The following CYP20A1 variants were observed in gnomAD, a reference collection of about 807,000 sequenced individuals.
CYP20A1 encodes cytochrome P450 family 20 subfamily A member 1, also known as cytochrome P450 20A1.
Under a neutral mutation model 61.4 loss-of-function variants are expected in CYP20A1, and 61 were observed. The observed-to-expected ratio is 0.99, with a 90% CI of 0.81 to 1.23. The LOEUF (loss-of-function observed/expected upper bound fraction) is 1.23. Ranked by LOEUF, CYP20A1 falls within the 50% of genes most tolerant of loss-of-function variation. The pLI, the probability that CYP20A1 is intolerant of heterozygous loss-of-function variation, is 0.00. For missense variants in CYP20A1, 530 were observed against 542.4 expected, an observed-to-expected ratio of 0.98 and a Z score of 0.23; for synonymous variants, 193 against 188.2, an observed-to-expected ratio of 1.03 and a Z score of -0.21.
chr2:203,273,182 T>A (rs984943517), intron 6 of CYP20A1, among the ~76,000 whole-genome samples: 3 of 152,158 alleles, frequency 2.0e-5, no homozygotes, highest in Non-Finnish European at 4.4e-5. Context: ...TTTCTATATT[T>A]TCTACAATGA....
At chr2:203,256,516 C>T (rs562114511) in intron 4 of CYP20A1, among the ~76,000 whole-genome samples, 39 of 152,134 alleles carry the variant, frequency 2.6e-4, no homozygotes, top group South Asian at 4.2e-4. Flanking sequence ...CATGCCACAA[C>T]GCCCGGTAAT....
rs552769911 is a variant in CYP20A1 at position 203,272,816 on chromosome 2, C to T, written c.679+68C>T. 27 of 903,684 alleles carry T rather than the reference C, an allele frequency of 3.0e-5. No homozygotes were observed. The South Asian group carries it at 4.2e-4, about 14-fold the overall frequency. 56.0% of individuals were successfully genotyped at this position (903,684 alleles called of 1,614,324 possible). A position where few individuals can be genotyped will look rare whatever the true frequency, so the allele number is the denominator to read the frequency against. ...TGTGCCCCAGTTTTAATAAAGTAAT[C>T]TCTGAATAGTGAGATTAAAGGTCAT... is the stretch of plus-strand genomic sequence containing the variant. On this transcript the variant is annotated intron_variant, in intron 6 of 12. Coordinates refer to ENST00000356079, the MANE Select transcript of CYP20A1 (RefSeq NM_177538.3).
At chr2:203,280,532 G>A (rs1249229395) in intron 8 of CYP20A1, among the ~76,000 whole-genome samples, 1 of 152,102 alleles carries the variant, frequency 6.6e-6, no homozygotes, top group African/African-American at 2.4e-5. Flanking sequence ...GTGAGACCTC[G>A]TCTCTGCTAA....
intron 4 of CYP20A1, among the ~76,000 whole-genome samples, chr2:203,262,252 C>T (rs185208580): frequency 1.2e-4 from 18 of 152,210 alleles, no homozygotes; most frequent in African/African-American, 4.3e-4. Flanking sequence ...AGATGGTGGT[C>T]TCACTATGTT....
intron 1 of CYP20A1, among the ~76,000 whole-genome samples, chr2:203,240,316 C>G (rs918266967): frequency 6.6e-6 from 1 of 152,168 alleles, no homozygotes; most frequent in East Asian, 1.9e-4. Flanking sequence ...TTTAGTGGTT[C>G]TTGAATTTTT....
intron 1 of CYP20A1, among the ~76,000 whole-genome samples, chr2:203,241,993 C>G (rs2066270307): frequency 6.6e-6 from 1 of 152,168 alleles, no homozygotes; most frequent in South Asian, 2.1e-4. Flanking sequence ...AGGCACACAT[C>G]ACCACACACA....
At chr2:203,283,207 G>A (rs1198959863) in intron 8 of CYP20A1, among the ~76,000 whole-genome samples, 2 of 120,860 alleles carry the variant, frequency 1.7e-5, no homozygotes. Context: ...AAGTCAATGT[G>A]AGAATTTTTT....
At chr2:203,289,374 G>A (rs575375218) in intron 9 of CYP20A1, among the ~76,000 whole-genome samples, 12 of 152,038 alleles carry the variant, frequency 7.9e-5, no homozygotes, top group Non-Finnish European at 1.5e-4. Flanking sequence ...TAAACAAAAT[G>A]TTTCTCTAGT....
chr2:203,241,383 G>A (rs984821808), intron 1 of CYP20A1, among the ~76,000 whole-genome samples: 1 of 152,174 alleles, frequency 6.6e-6, no homozygotes, highest in African/African-American at 2.4e-5. Context: ...ACATTTGGGA[G>A]CTATCAATGT....
chr2:203,245,890 A>C lies in CYP20A1; in HGVS notation c.117A>C (p.Glu39Asp). Reference sequence around the variant, plus strand: ...GAATTCCAGGGATTACTCCAACTGAAGAAAAGTGAGTAATTATTTTCTTGG... The same window carrying C: ...GAATTCCAGGGATTACTCCAACTGACGAAAAGTGAGTAATTATTTTCTTGG... ...AAGIPGITPTEEKDGNLPDIV... is the reference protein window; with the variant it reads ...AAGIPGITPTDEKDGNLPDIV... Residue 39 changes from glutamate to aspartate, a missense_variant, in exon 2 of 13, where the codon GAA (glutamate) becomes GAC (aspartate). Transcript: ENST00000356079. 6.3e-7 allele frequency: 1 copy of C among 1,590,556 alleles called. No homozygotes were observed.
chr2:203,259,173 G>T (rs951771918), intron 4 of CYP20A1, among the ~76,000 whole-genome samples: 3 of 152,066 alleles, frequency 2.0e-5, no homozygotes, highest in Non-Finnish European at 2.9e-5. Flanking sequence ...AATTAAGGTG[G>T]TTTTTTAAGT....
rs1208710425 is a variant in CYP20A1, at chr2:203,303,985, C to T, written c.*7077C>T. Among the ~76,000 whole-genome samples, 1 of 151,842 alleles carries T rather than the reference C, an allele frequency of 6.6e-6. No individual in the cohort carries two copies. Among genetic ancestry groups the T allele is most frequent in the African/African-American group, 2.4e-5 (1 of 41,364 alleles). ...CTGTAATCCCAGCACTTTGGGAGTC[C>T]AAAGTGGGCGTATAACTTGAGGTCA... On this transcript the variant is annotated 3_prime_UTR_variant, in exon 13 of 13. Transcript: ENST00000356079.
intron 11 of CYP20A1, among the ~76,000 whole-genome samples, chr2:203,295,736 G>A (rs1022334216): frequency 2.6e-5 from 4 of 151,880 alleles, no homozygotes; most frequent in African/African-American, 9.7e-5. Flanking sequence ...TCACGACGAG[G>A]TCAAGAGATC....
intron 11 of CYP20A1, among the ~76,000 whole-genome samples, chr2:203,296,092 G>A (rs550921164): frequency 6.6e-6 from 1 of 152,240 alleles, no homozygotes; most frequent in South Asian, 2.1e-4. Context: ...GGGAGAACCT[G>A]TCTGTACAAA....
In CYP20A1 at chr2:203,302,579, A is replaced by G. The variant is rs1311833622; in HGVS notation, c.*5671A>G. Among the ~76,000 whole-genome samples the G allele has an allele frequency of 1.3e-5, 2 of 152,172 alleles. No homozygotes were observed. The highest frequency in any genetic ancestry group is 2.9e-5 in the Non-Finnish European group (2 of 68,032). On this transcript the variant is annotated 3_prime_UTR_variant, in exon 13 of 13. Coordinates refer to ENST00000356079, the MANE Select transcript of CYP20A1 (RefSeq NM_177538.3). ...CTCTTTTTATGCATATGTAATTTAT[A>G]TATATTATACAAAATATTATTTGCA...
chr2:203,266,166 TG>T (rs1170125404), intron 4 of CYP20A1, among the ~76,000 whole-genome samples: 3 of 152,222 alleles, frequency 2.0e-5, no homozygotes, highest in African/African-American at 7.2e-5. Context: ...AGGCATTCTG[TG>T]GCAGACTTTT....
At chr2:203,263,267 G>A (rs564492646) in intron 4 of CYP20A1, among the ~76,000 whole-genome samples, 49 of 151,052 alleles carry the variant, frequency 3.2e-4, no homozygotes, top group Non-Finnish European at 6.2e-4. Context: ...GGGATTACAG[G>A]CGTGAGCCAC....
chr2:203,239,191 C>G (rs1045600160), intron 1 of CYP20A1, 57 bp downstream of exon 1: 11 of 1,476,848 alleles, frequency 7.4e-6, no homozygotes, highest in Non-Finnish European at 1.0e-5. Context: ...TCTCTGTCGC[C>G]GGCATCCAGG....
At chr2:203,250,300 A>G (rs1013845390) in intron 3 of CYP20A1, among the ~76,000 whole-genome samples, 5 of 152,246 alleles carry the variant, frequency 3.3e-5, no homozygotes, top group African/African-American at 1.2e-4. Context: ...TCTCAGCACT[A>G]TTCCAAGCCC....
Sources: gnomAD v4.1 joint callset for allele counts (sites outside exome capture counted in the v4.1 genomes callset) on GRCh38, gnomAD v4.1.1 for gene constraint, MANE v1.5 for transcripts, NCBI Gene and HGNC (gene_info 2026-07-23, HGNC 2026-07-21) for gene names.